The following PRP4K variants were observed in gnomAD, a reference collection of about 807,000 sequenced individuals.
PRP4K encodes the protein serine/threonine-protein kinase PRP4 homolog.
the PRP4K span, among the ~76,000 whole-genome samples, chr6:4,051,504 A>G: frequency 6.6e-6 from 1 of 151,704 alleles, no homozygotes; most frequent in South Asian, 2.1e-4. Context: ...TTTAGTAGAG[A>G]CAGGGTTTCG....
At chr6:4,049,190 G>C in the PRP4K span, 1 of 1,209,916 alleles carries the variant, frequency 8.3e-7, no homozygotes, top group Non-Finnish European at 1.2e-6. Flanking sequence ...CAGATTATTG[G>C]AGAACTCTGA....
the PRP4K span, among the ~76,000 whole-genome samples, chr6:4,038,023 T>G: frequency 6.6e-6 from 1 of 152,248 alleles, no homozygotes; most frequent in Admixed American, 6.5e-5. Flanking sequence ...ATGTAGTCAG[T>G]AATAGGTTAA....
At chr6:4,045,843 G>A in the PRP4K span, among the ~76,000 whole-genome samples, 1 of 152,062 alleles carries the variant, frequency 6.6e-6, no homozygotes, top group African/African-American at 2.4e-5. Flanking sequence ...AAATTTGATA[G>A]GCTTAGGTTT....
chr6:4,055,996 T>C, the PRP4K span, among the ~76,000 whole-genome samples: 1 of 152,212 alleles, frequency 6.6e-6, no homozygotes, highest in Non-Finnish European at 1.5e-5. Context: ...TCAGGGTCTT[T>C]TTAGAAGATG....
the PRP4K span, chr6:4,048,867 A>C: frequency 8.6e-5 from 43 of 497,466 alleles, no homozygotes; most frequent in South Asian, 1.4e-3. Context: ...GCTATGTTGG[A>C]TTTACATAAG....
At chr6:4,021,387 A>AGCC in the PRP4K span, 1 of 1,560,916 alleles carries the variant, frequency 6.4e-7, no homozygotes, top group East Asian at 2.4e-5. Context: ...ACCGTCCGGG[A>AGCC]GCCGCCGCCA....
chr6:4,028,264 ACTGCAG>A, the PRP4K span, among the ~76,000 whole-genome samples: 3 of 151,988 alleles, frequency 2.0e-5, no homozygotes, highest in African/African-American at 7.3e-5. Flanking sequence ...ATCATGACTC[ACTGCAG>A]CCTTTAACTC....
the PRP4K span, chr6:4,032,211 T>C: frequency 4.3e-6 from 7 of 1,613,592 alleles, no homozygotes; most frequent in South Asian, 5.5e-5. Context: ...AAGAAGTAAG[T>C]CTCAAGATCA....
At chr6:4,036,877 CAG>C in the PRP4K span, among the ~76,000 whole-genome samples, 1 of 150,848 alleles carries the variant, frequency 6.6e-6, no homozygotes, top group South Asian at 2.1e-4. Context: ...TCCAGCTGCT[CAG>C]GGGGGCTGAA....
chr6:4,037,549 G>A, the PRP4K span: 2 of 1,613,708 alleles, frequency 1.2e-6, no homozygotes, highest in Admixed American at 1.7e-5. Flanking sequence ...CCAAGAAGAA[G>A]AAGCAGATCT....
chr6:4,028,962 C>G, the PRP4K span, among the ~76,000 whole-genome samples: 16 of 149,678 alleles, frequency 1.1e-4, no homozygotes, highest in Non-Finnish European at 8.9e-5. Flanking sequence ...CTACCCACTC[C>G]TAGAACCATA....
chr6:4,045,849 G>A, the PRP4K span, among the ~76,000 whole-genome samples: 198 of 152,124 alleles, frequency 1.3e-3, no homozygotes, highest in Middle Eastern at 3.4e-3. Flanking sequence ...GATAGGCTTA[G>A]GTTTATTTTC....
At chr6:4,052,640 C>T in the PRP4K span, 1 of 1,170,582 alleles carries the variant, frequency 8.5e-7, no homozygotes, top group Admixed American at 3.0e-5. Flanking sequence ...TTTATGCTTG[C>T]AAATGTTTTT....
At chr6:4,064,407 T>C in the PRP4K span, 1 of 152,602 alleles carries the variant, frequency 6.6e-6, no homozygotes, top group Non-Finnish European at 1.5e-5. Flanking sequence ...TCTAGCTATA[T>C]GGGGTAGAAA....
At chr6:4,033,018 A>G in the PRP4K span, among the ~76,000 whole-genome samples, 2 of 152,284 alleles carry the variant, frequency 1.3e-5, no homozygotes, top group East Asian at 3.9e-4. Flanking sequence ...TTGATTTAAT[A>G]CCTAGTTTGC....
At chr6:4,040,113 C>T in the PRP4K span, among the ~76,000 whole-genome samples, 2 of 151,780 alleles carry the variant, frequency 1.3e-5, no homozygotes, top group East Asian at 3.9e-4. Flanking sequence ...CTCAAACTCC[C>T]GAGCTCCCTG....
the PRP4K span, chr6:4,032,352 A>G: frequency 1.1e-5 from 17 of 1,613,946 alleles, 1 homozygote; most frequent in East Asian, 2.2e-4. Context: ...AAAATCCCCA[A>G]TTATAAATGA....
At chr6:4,032,101 G>T in the PRP4K span, 1 of 1,613,058 alleles carries the variant, frequency 6.2e-7, no homozygotes, top group Non-Finnish European at 8.5e-7. Context: ...ACTAGACATA[G>T]GTCTGATAAA....
At chr6:4,057,181 A>G in the PRP4K span, 1 of 1,611,544 alleles carries the variant, frequency 6.2e-7, no homozygotes, top group Non-Finnish European at 8.5e-7. Context: ...GAAAGATGCC[A>G]AATAAGGTAA....
Sources: allele counts gnomAD v4.1 joint callset (sites outside exome capture counted in the v4.1 genomes callset), GRCh38; gene constraint gnomAD v4.1.1; transcripts MANE v1.5; gene names NCBI Gene and HGNC (gene_info 2026-07-23, HGNC 2026-07-21).